The following CACNA1G variants were observed in gnomAD, a reference collection of about 807,000 sequenced individuals.
CACNA1G encodes the protein voltage-dependent T-type calcium channel subunit alpha-1G.
In CACNA1G, 67 loss-of-function variants were observed where a neutral mutation model predicts 219.4. The ratio of observed to expected loss-of-function variants is 0.31; its 90% CI spans 0.25 to 0.37. The LOEUF is 0.37. Among genes scored for constraint, CACNA1G ranks in the 10% least tolerant of loss-of-function variants. The pLI is 1.00. For missense variants in CACNA1G, 2,380 were observed against 3,231.4 expected, an observed-to-expected ratio of 0.74 and a Z score of 6.39; for synonymous variants, 1,296 against 1,345.3, an observed-to-expected ratio of 0.96 and a Z score of 0.80.
intron 9 of CACNA1G, among the ~76,000 whole-genome samples, chr17:50,582,220 G>T (rs932541197): frequency 2.6e-5 from 4 of 152,362 alleles, no homozygotes; most frequent in African/African-American, 9.6e-5. Flanking sequence ...AATTCAGGGA[G>T]GGCTCCGTGT....
Position 50,603,110 on chromosome 17 carries a change from C to T in CACNA1G, c.4080C>T (p.Asp1360=). The T allele has an allele frequency of 1.9e-6, 3 of 1,613,428 alleles. No individual in the cohort carries two copies. The highest frequency in any genetic ancestry group is 2.5e-6 in the Non-Finnish European group (3 of 1,179,776). Residue 1360 remains aspartate (D), a synonymous_variant, in exon 21 of 38, where the codon GAC becomes GAT. Transcript: ENST00000359106. This position sits in a 1 kb window ranked among gnomAD's most constrained non-coding sequence, Gnocchi z 6.4. ...TGTTGGTGCTCATCTCCGTCATCGA[C>T]ATTCTGGTGTCCATGGTCTCTGACA... ...DGLLVLISVI[D]ILVSMVSDSG...
chr17:50,595,463 C>G (rs963503189), intron 14 of CACNA1G, among the ~76,000 whole-genome samples: 1 of 152,260 alleles, frequency 6.6e-6, no homozygotes, highest in Admixed American at 6.5e-5. Flanking sequence ...CCATACTCCC[C>G]CATCTCCCAC....
At chr17:50,563,774 G>A (rs2036776489) in intron 1 of CACNA1G, 1 of 152,356 alleles carries the variant, frequency 6.6e-6, no homozygotes, top group African/African-American at 2.4e-5. Flanking sequence ...GTCTGGAGAA[G>A]CCTGGGTTGG....
intron 7 of CACNA1G, among the ~76,000 whole-genome samples, chr17:50,574,573 C>A (rs2040207718): frequency 6.6e-6 from 1 of 151,990 alleles, no homozygotes; most frequent in Non-Finnish European, 1.5e-5. Context: ...GCCCCCCCCA[C>A]CCCCACTCCC....
chr17:50,592,375 G>A (rs987768382), intron 13 of CACNA1G, among the ~76,000 whole-genome samples: 32 of 152,310 alleles, frequency 2.1e-4, no homozygotes, highest in African/African-American at 7.7e-4. Context: ...TCCCCAGAGA[G>A]GCAGACCAGA....
At chr17:50,589,910 C>CTG (rs1433425710) in intron 9 of CACNA1G, among the ~76,000 whole-genome samples, 265 of 146,456 alleles carry the variant, frequency 1.8e-3, no homozygotes, top group African/African-American at 6.4e-3. Flanking sequence ...CTCTCTCTCT[C>CTG]TCTGTGTGTG....
In CACNA1G at chr17:50,596,661, TG is replaced by T; in HGVS notation, c.3064+19del. On this transcript the variant is annotated intron_variant, in intron 15 of 37. Coordinates refer to ENST00000359106, the MANE Select transcript of CACNA1G (RefSeq NM_018896.5). The surrounding 1 kb of genome is among the most constrained non-coding windows in gnomAD (Gnocchi z 4.8). The stretch of plus-strand genomic sequence containing the variant: ...GTGCTTGGCCTGTGAGTACCTATCC[TG>T]GGGTGCGACTTTTGGCCCTGGGCCA... 1 of 1,613,740 alleles carries T rather than the reference TG, an allele frequency of 6.2e-7. No individual in the cohort carries two copies. The highest frequency in any genetic ancestry group is 1.1e-5 in the South Asian group (1 of 91,082).
intron 25 of CACNA1G, 127 bp downstream of exon 25, chr17:50,608,146 C>G (rs530162258): frequency 3.4e-5 from 25 of 743,098 alleles, no homozygotes; most frequent in South Asian, 5.5e-5. Context: ...CTCCCACCCC[C>G]CTCCTCACCT....
At position 50,600,691 on chromosome 17, in the gene CACNA1G, C is replaced by T. The variant is rs748639309; in HGVS notation, c.3691-35C>T. 1.9e-6 allele frequency: 3 copies of T among 1,584,682 alleles called. No homozygotes were observed. The African/African-American group carries it at 4.0e-5, about 21-fold the overall frequency. The stretch of plus-strand genomic sequence containing the variant: ...GCCAGGAGCCGGGGAACCTGGAGGC[C>T]TGGTCCTGCTCATACTCCAGTGTTT... On this transcript the variant is annotated intron_variant, in intron 17 of 37. Coordinates refer to ENST00000359106, the MANE Select transcript of CACNA1G (RefSeq NM_018896.5). This position sits in a 1 kb window ranked among gnomAD's most constrained non-coding sequence, Gnocchi z 4.1.
At chr17:50,570,318 G>A (rs1056147834) in intron 4 of CACNA1G, among the ~76,000 whole-genome samples, 9 of 151,920 alleles carry the variant, frequency 5.9e-5, no homozygotes, top group African/African-American at 1.7e-4. Flanking sequence ...AGTAACTGCC[G>A]GGCCCATTAT....
In CACNA1G at chr17:50,596,007, C is replaced by A. The variant is rs943675625; in HGVS notation, c.2980-555C>A. Among the ~76,000 whole-genome samples, 1 of 152,076 alleles carries A rather than the reference C, an allele frequency of 6.6e-6. No individual in the cohort carries two copies. The highest frequency in any genetic ancestry group is 1.9e-4 in the East Asian group (1 of 5,200). ...GACAGGGAGAGAGGTAAAAATGGGG[C>A]CAGGGAGGGGGCCGGGACTTGGGGA... On this transcript the variant is annotated intron_variant, in intron 14 of 37. Transcript: ENST00000359106. The surrounding 1 kb of genome is among the most constrained non-coding windows in gnomAD (Gnocchi z 4.8).
chr17:50,605,833 T>G lies in CACNA1G; in HGVS notation c.4297-65T>G, dbSNP rs2047847835. The G allele has an allele frequency of 3.8e-6, 6 of 1,583,978 alleles. No homozygotes were observed. In the Admixed American group the frequency reaches 8.7e-5, roughly 23 times the overall value. On this transcript the variant is annotated intron_variant, in intron 22 of 37. Transcript: ENST00000359106. ...GCCCAGGCTGGCGTGGGGGTGGGGCTCAGGAGTCCTGGGCTTCCTGTGGTC... is the reference window on the plus strand; with the variant it reads ...GCCCAGGCTGGCGTGGGGGTGGGGCGCAGGAGTCCTGGGCTTCCTGTGGTC...
At chr17:50,569,352 G>C in intron 3 of CACNA1G, 54 bp downstream of exon 3, 1 of 1,590,234 alleles carries the variant, frequency 6.3e-7, no homozygotes, top group Non-Finnish European at 8.6e-7. Context: ...TCCCTTCCCC[G>C]GGGCCAGGGT....
intron 1 of CACNA1G, among the ~76,000 whole-genome samples, chr17:50,567,585 C>G (rs1326421684): frequency 6.6e-6 from 1 of 152,142 alleles, no homozygotes; most frequent in Non-Finnish European, 1.5e-5. Flanking sequence ...CCTACAGAGT[C>G]TGGCTTGGTG....
At position 50,569,160 on chromosome 17, in the gene CACNA1G, A is replaced by G. The variant is rs1416960997; in HGVS notation, c.355-5A>G. 6.2e-7 allele frequency: 1 copy of G among 1,613,436 alleles called. No homozygotes were observed. Among genetic ancestry groups the G allele is most frequent in the East Asian group, 2.2e-5 (1 of 44,878 alleles). On this transcript the variant is annotated splice_polypyrimidine_tract_variant and splice_region_variant and intron_variant, in intron 2 of 37. Coordinates refer to ENST00000359106, the MANE Select transcript of CACNA1G (RefSeq NM_018896.5). ...AGTTTCAGCCACCTCTTGTCCCCACATCAGGCCTTTGATGACTTCATCTTT... is the reference window on the plus strand; with the variant it reads ...AGTTTCAGCCACCTCTTGTCCCCACGTCAGGCCTTTGATGACTTCATCTTT...
In CACNA1G at chr17:50,571,836, C is replaced by T; in HGVS notation, c.587-42C>T. ...GCCGGGCCGTGGCAGTCAGCCTAGC[C>T]CGGCCAGCCTGGTGTCCCCAGCGTG... On this transcript the variant is annotated intron_variant, in intron 4 of 37. Coordinates refer to ENST00000359106, the MANE Select transcript of CACNA1G (RefSeq NM_018896.5). This position sits in a 1 kb window ranked among gnomAD's most constrained non-coding sequence, Gnocchi z 4.3. The T allele has an allele frequency of 6.2e-7, 1 of 1,607,244 alleles. No individual in the cohort carries two copies. Among genetic ancestry groups the T allele is most frequent in the Non-Finnish European group, 8.5e-7 (1 of 1,177,186 alleles).
intron 35 of CACNA1G, among the ~76,000 whole-genome samples, chr17:50,622,713 G>A (rs2052467875): frequency 6.6e-6 from 1 of 152,166 alleles, no homozygotes; most frequent in Admixed American, 6.5e-5. Flanking sequence ...AACCTCTTGA[G>A]AACAAACTAG....
intron 13 of CACNA1G, 41 bp downstream of exon 13, chr17:50,592,133 T>G: frequency 6.4e-7 from 1 of 1,566,096 alleles, no homozygotes; most frequent in Non-Finnish European, 8.7e-7. Context: ...CCCACAGCAG[T>G]CCCACTTCCA....
At position 50,619,766 on chromosome 17, in the gene CACNA1G, C is replaced by A; in HGVS notation, c.5865C>A (p.Gly1955=). The change falls in exon 34 of 38, where the codon GGC becomes GGA. Residue 1955 remains glycine (G), a synonymous_variant. Transcript: ENST00000359106. Reference sequence around the variant, plus strand: ...TGAAGCTGATGGACGAGCTGGCAGGCCCAGGGGGCCAGCCCTCTGCCTTCC... The same window carrying A: ...TGAAGCTGATGGACGAGCTGGCAGGACCAGGGGGCCAGCCCTCTGCCTTCC... ...WELKLMDELA[G]PGGQPSAFPS... The A allele has an allele frequency of 6.2e-7, 1 of 1,608,092 alleles. No homozygotes were observed.
Sources: allele counts gnomAD v4.1 joint callset (sites outside exome capture counted in the v4.1 genomes callset), GRCh38; gene constraint gnomAD v4.1.1; non-coding constraint Gnocchi (gnomAD v3.1); transcripts MANE v1.5; gene names NCBI Gene and HGNC (gene_info 2026-07-23, HGNC 2026-07-21).